Variants in WDFY3 observed in about 807,000 individuals in gnomAD.
WDFY3 encodes WD repeat and FYVE domain-containing protein 3.
In WDFY3, 66 loss-of-function variants were observed where a neutral mutation model predicts 409.6. The ratio of observed to expected loss-of-function variants is 0.16; its 90% CI spans 0.13 to 0.20. WDFY3 has a LOEUF of 0.20. Ranked by LOEUF, WDFY3 falls within the 10% of genes least tolerant of loss-of-function variation. The pLI is 1.00. For missense variants in WDFY3, 3,031 were observed against 4,298.1 expected, an observed-to-expected ratio of 0.71 and a Z score of 8.24; for synonymous variants, 1,521 against 1,537.1, an observed-to-expected ratio of 0.99 and a Z score of 0.25.
chr4:84,956,546 C>T (rs1774260872), intron 1 of WDFY3, among the ~76,000 whole-genome samples: 1 of 152,126 alleles, frequency 6.6e-6, no homozygotes, highest in Non-Finnish European at 1.5e-5. Context: ...AGGGATTAGG[C>T]CATTCACAAA....
At chr4:84,873,067 A>G (rs1293651372) in intron 3 of WDFY3, among the ~76,000 whole-genome samples, 2 of 152,218 alleles carry the variant, frequency 1.3e-5, no homozygotes, top group Admixed American at 6.5e-5. Flanking sequence ...AGAAAGAGAC[A>G]AATTGATTAT....
chr4:84,724,546 A>G lies in WDFY3; in HGVS notation c.7321T>C (p.Tyr2441His). The change falls in exon 46 of 68, where the codon TAC becomes CAC. Residue 2441 changes from tyrosine to histidine, a missense_variant. This residue lies in a region of WDFY3 where 127 missense variants were observed against 144.4 expected (regional missense o/e 0.88). Transcript: ENST00000295888. ...GGATTGCCAGAGGCCAGTCGCATGTAGTACTCTTTACTGTCATAACTTACG... is the reference window on the plus strand; with the variant it reads ...GGATTGCCAGAGGCCAGTCGCATGTGGTACTCTTTACTGTCATAACTTACG... ...RAVSYDSKEY[Y>H]MRLASGNPAI... 6.2e-7 allele frequency: 1 copy of G among 1,614,154 alleles called. No individual in the cohort carries two copies. Among genetic ancestry groups the G allele is most frequent in the Non-Finnish European group, 8.5e-7 (1 of 1,179,996 alleles).
intron 62 of WDFY3, among the ~76,000 whole-genome samples, 183 bp from the exon 63 acceptor site, chr4:84,684,308 G>A (rs1272358379): frequency 1.3e-5 from 2 of 152,096 alleles, no homozygotes; most frequent in Admixed American, 1.3e-4. Context: ...TCCGAACAGA[G>A]GCTTCTTTAA....
At chr4:84,803,219 C>T in intron 16 of WDFY3, 71 bp downstream of exon 16, 1 of 1,454,040 alleles carries the variant, frequency 6.9e-7, no homozygotes, top group Non-Finnish European at 9.1e-7. Context: ...CCCCCTAGCT[C>T]ATATAATCAT....
At chr4:84,704,099 G>C (rs1731534497) in intron 55 of WDFY3, among the ~76,000 whole-genome samples, 1 of 152,202 alleles carries the variant, frequency 6.6e-6, no homozygotes, top group African/African-American at 2.4e-5. Context: ...AGGGCTGGTT[G>C]AAAAATGTAT....
At chr4:84,829,373 C>T (rs1560866989) in intron 8 of WDFY3, among the ~76,000 whole-genome samples, 183 bp from the exon 9 acceptor site, 1 of 151,960 alleles carries the variant, frequency 6.6e-6, no homozygotes, top group Non-Finnish European at 1.5e-5. Context: ...AGCACTGCCT[C>T]TAGGTAGTAA....
At position 84,761,745 on chromosome 4, in the gene WDFY3, C is replaced by T. The variant is rs532561125; in HGVS notation, c.5188+4065G>A. On this transcript the variant is annotated intron_variant, in intron 32 of 67. Transcript: ENST00000295888. ...AAGGGCTAATATCCAGAATCTACAA[C>T]GAACTCAAACAAATTTACAAGAAAA... Among the ~76,000 whole-genome samples the T allele has an allele frequency of 2.6e-3, 400 of 152,064 alleles. 2 individuals carry two copies. The highest frequency in any genetic ancestry group is 9.1e-3 in the African/African-American group (377 of 41,496).
At chr4:84,789,657 ACACACACACACACCCC>A in intron 22 of WDFY3, 53 bp downstream of exon 22, 1 of 1,479,668 alleles carries the variant, frequency 6.8e-7, no homozygotes, top group Non-Finnish European at 9.3e-7. Flanking sequence ...ACACACACAC[ACACACACACACACCCC>A]CCAAACTACT....
chr4:84,874,777 G>A (rs952079039), intron 3 of WDFY3, among the ~76,000 whole-genome samples: 6 of 152,102 alleles, frequency 3.9e-5, no homozygotes, highest in African/African-American at 1.4e-4. Context: ...ACAGTCATGC[G>A]TTGCTTAACG....
chr4:84,927,617 C>A (rs569479353), intron 2 of WDFY3, among the ~76,000 whole-genome samples: 1 of 152,202 alleles, frequency 6.6e-6, no homozygotes, highest in East Asian at 1.9e-4. Flanking sequence ...GTAATTGGAT[C>A]ATGGCGGAGG....
chr4:84,726,216 C>T (rs1735628721), intron 45 of WDFY3, among the ~76,000 whole-genome samples: 1 of 152,118 alleles, frequency 6.6e-6, no homozygotes. Context: ...TACTTGATTA[C>T]TGACTTCATG....
chr4:84,772,841 C>G lies in WDFY3; in HGVS notation c.4843G>C (p.Asp1615His). 6.2e-7 allele frequency: 1 copy of G among 1,609,702 alleles called. No homozygotes were observed. The highest frequency in any genetic ancestry group is 8.5e-7 in the Non-Finnish European group (1 of 1,178,252). ...VMEINNEEKL[D>H]TGTEEEFGGL... is the part of the protein sequence containing the mutation. Reference sequence around the variant, plus strand: ...AGCTCCAGAATCAACTTACCAGTGTCAAGCTTCTCTTCATTATTTATTTCC... The same window carrying G: ...AGCTCCAGAATCAACTTACCAGTGTGAAGCTTCTCTTCATTATTTATTTCC... The change falls in exon 30 of 68, where the codon GAC becomes CAC. Residue 1615 changes from aspartate to histidine, a missense_variant. Around this residue, in one of 16 missense-constraint regions of WDFY3, gnomAD observed 342 missense variants for 463.7 expected, o/e 0.74. Transcript: ENST00000295888.
At chr4:84,828,832 G>T (rs115083421) in intron 9 of WDFY3, among the ~76,000 whole-genome samples, 172 bp downstream of exon 9, 2 of 152,284 alleles carry the variant, frequency 1.3e-5, no homozygotes, top group African/African-American at 4.8e-5. Flanking sequence ...CCAGGAATAC[G>T]AAGCTACAGT....
At chr4:84,818,287 A>T (rs1361699312) in intron 12 of WDFY3, among the ~76,000 whole-genome samples, 3 of 152,080 alleles carry the variant, frequency 2.0e-5, no homozygotes, top group Non-Finnish European at 4.4e-5. Context: ...AAATATTAAT[A>T]TCATCCTCCA....
At chr4:84,938,745 T>A (rs986824005) in intron 1 of WDFY3, among the ~76,000 whole-genome samples, 1 of 152,206 alleles carries the variant, frequency 6.6e-6, no homozygotes, top group African/African-American at 2.4e-5. Context: ...ATTACTAATG[T>A]CACCTCTTTA....
In WDFY3 at chr4:84,957,268, A is replaced by C. The variant is rs11938778; in HGVS notation, c.-226+8941T>G. Among the ~76,000 whole-genome samples the C allele has an allele frequency of 1.5e-3, 230 of 151,822 alleles. 2 individuals are homozygous for C. Among genetic ancestry groups the C allele is most frequent in the African/African-American group, 5.3e-3 (219 of 41,362 alleles). On this transcript the variant is annotated intron_variant, in intron 1 of 67. Coordinates refer to ENST00000295888, the MANE Select transcript of WDFY3 (RefSeq NM_014991.6). ...AAGTATTTCATATACCAAAAAAAAA[A>C]AAAAAAACAAAACTACAAGGCATAT... is the stretch of plus-strand genomic sequence containing the variant.
In WDFY3 at chr4:84,882,922, G is replaced by A. The variant is rs1763734648; in HGVS notation, c.-32+13989C>T. On this transcript the variant is annotated intron_variant, in intron 3 of 67. Coordinates refer to ENST00000295888, the MANE Select transcript of WDFY3 (RefSeq NM_014991.6). ...GGGGTCTCACTACGTTGCCCAGGTT[G>A]GTGTCAAACTCTGGGCTAGAGCGAT... 2.0e-5 allele frequency among the ~76,000 whole-genome samples: 3 copies of A among 152,004 alleles called. 1 individual carries two copies. In the South Asian group the frequency reaches 6.2e-4, roughly 32 times the overall value.
intron 3 of WDFY3, among the ~76,000 whole-genome samples, chr4:84,876,422 A>G (rs894082571): frequency 6.6e-6 from 1 of 152,222 alleles, no homozygotes; most frequent in Non-Finnish European, 1.5e-5. Flanking sequence ...CTTATCTGGA[A>G]AAAAAGAATA....
chr4:84,817,632 C>G (rs1406991831), intron 12 of WDFY3, 47 bp from the exon 13 acceptor site: 1 of 1,497,926 alleles, frequency 6.7e-7, no homozygotes, highest in East Asian at 2.3e-5. Context: ...TTAAAATATT[C>G]TGAGACAAGT....
Sources: gnomAD v4.1 joint callset for allele counts (sites outside exome capture counted in the v4.1 genomes callset) on GRCh38, gnomAD v4.1.1 for gene constraint, gnomAD v4.1.1 regional missense constraint, MANE v1.5 for transcripts, NCBI Gene and HGNC (gene_info 2026-07-23, HGNC 2026-07-21) for gene names.